Variants in ARHGAP10 observed in about 807,000 individuals in gnomAD.
The protein encoded by ARHGAP10 is rho GTPase-activating protein 10.
Under a neutral mutation model 108.6 loss-of-function variants are expected in ARHGAP10, and 87 were observed. The observed-to-expected ratio is 0.80, with a 90% CI of 0.67 to 0.96. ARHGAP10 has a LOEUF of 0.96. Ranked by LOEUF, ARHGAP10 falls within the 40% of genes least tolerant of loss-of-function variation. ARHGAP10 has a pLI of 0.00. For synonymous variants in ARHGAP10, 347 were observed against 341.1 expected (o/e 1.02, Z -0.19); for missense variants, 939 against 954.5 (o/e 0.98, Z 0.21).
chr4:148,002,625 TC>T lies in ARHGAP10; in HGVS notation c.1717-20636del, dbSNP rs566855704. ...TGGTCTATTCGGGGATTCAGCTTCTTCCTGGTTTAGTCTTGGGAGGGTGTAT... is the reference window on the plus strand; with the variant it reads ...TGGTCTATTCGGGGATTCAGCTTCTTCTGGTTTAGTCTTGGGAGGGTGTAT... On this transcript the variant is annotated intron_variant, in intron 18 of 22. Coordinates refer to ENST00000336498, the MANE Select transcript of ARHGAP10 (RefSeq NM_024605.4). Among the ~76,000 whole-genome samples, 609 of 152,306 alleles carry T rather than the reference TC, an allele frequency of 4.0e-3. 3 individuals are homozygous for T. The highest frequency in any genetic ancestry group is 0.014 in the African/African-American group (581 of 41,550).
At chr4:148,032,736 C>T (rs1728209171) in intron 19 of ARHGAP10, among the ~76,000 whole-genome samples, 2 of 152,154 alleles carry the variant, frequency 1.3e-5, no homozygotes, top group Admixed American at 6.5e-5. Flanking sequence ...GTCCCAAAAC[C>T]TCAAAAGTAG....
intron 11 of ARHGAP10, among the ~76,000 whole-genome samples, chr4:147,907,463 G>T (rs1386738189): frequency 6.6e-6 from 1 of 152,124 alleles, no homozygotes; most frequent in East Asian, 1.9e-4. Context: ...TGCCAGGCAG[G>T]CTTATCTGGA....
At chr4:147,921,360 A>C (rs1737224229) in intron 13 of ARHGAP10, among the ~76,000 whole-genome samples, 1 of 152,212 alleles carries the variant, frequency 6.6e-6, no homozygotes, top group Non-Finnish European at 1.5e-5. Flanking sequence ...CTCAGTCTAC[A>C]TCTGTTGAAT....
chr4:147,747,876 C>T (rs1043275331), intron 1 of ARHGAP10, among the ~76,000 whole-genome samples: 2 of 152,120 alleles, frequency 1.3e-5, no homozygotes, highest in Non-Finnish European at 2.9e-5. Flanking sequence ...CCAGAGAATA[C>T]TGACTCTTTT....
chr4:148,028,016 T>C (rs542005036), intron 19 of ARHGAP10, among the ~76,000 whole-genome samples: 83 of 152,310 alleles, frequency 5.4e-4, no homozygotes, highest in Middle Eastern at 3.4e-3. Context: ...ATACGGTTTT[T>C]CCTTTAAAGG....
At chr4:147,784,843 A>C (rs1730803968) in intron 1 of ARHGAP10, among the ~76,000 whole-genome samples, 1 of 104,516 alleles carries the variant, frequency 9.6e-6, no homozygotes, top group Non-Finnish European at 1.8e-5. Flanking sequence ...TATATTATAA[A>C]ATATATATTA....
intron 10 of ARHGAP10, among the ~76,000 whole-genome samples, chr4:147,890,713 G>A (rs111575300): frequency 7.2e-5 from 11 of 152,246 alleles, no homozygotes; most frequent in African/African-American, 2.6e-4. Context: ...TATAATCCCA[G>A]CTACTCGGGA....
At chr4:148,014,342 T>C (rs1741273908) in intron 18 of ARHGAP10, among the ~76,000 whole-genome samples, 1 of 152,198 alleles carries the variant, frequency 6.6e-6, no homozygotes, top group Non-Finnish European at 1.5e-5. Context: ...GTATGCTGTG[T>C]TTTCCAAATG....
chr4:147,897,154 T>C (rs756948042), intron 10 of ARHGAP10, among the ~76,000 whole-genome samples: 4 of 151,914 alleles, frequency 2.6e-5, no homozygotes, highest in Non-Finnish European at 4.4e-5. Flanking sequence ...ATTCTTTATG[T>C]TTAAACTTTT....
At chr4:148,001,077 G>C (rs1415086911) in intron 18 of ARHGAP10, among the ~76,000 whole-genome samples, 1 of 152,142 alleles carries the variant, frequency 6.6e-6, no homozygotes, top group Non-Finnish European at 1.5e-5. Context: ...AATCCATCTT[G>C]AATTAATTTT....
chr4:147,895,963 T>A (rs571675681), intron 10 of ARHGAP10, among the ~76,000 whole-genome samples: 2 of 152,348 alleles, frequency 1.3e-5, no homozygotes, highest in African/African-American at 2.4e-5. Flanking sequence ...ACAAAATGTT[T>A]CTCAGTGTCT....
chr4:147,866,633 G>T (rs908877316), intron 6 of ARHGAP10, 79 bp from the exon 7 acceptor site: 1 of 996,344 alleles, frequency 1.0e-6, no homozygotes, highest in Non-Finnish European at 1.5e-6. Context: ...ATGGCGGGGG[G>T]AACACTTGGT....
chr4:148,071,571 G>A lies in ARHGAP10; in HGVS notation c.2273-422G>A, dbSNP rs540394904. Among the ~76,000 whole-genome samples the A allele has an allele frequency of 1.2e-4, 18 of 152,260 alleles. 1 individual carries two copies. The highest frequency in any genetic ancestry group is 8.5e-4 in the Admixed American group (13 of 15,294). ...GCAGAGATTGCAGTGAGCCGAGATC[G>A]CGCCACCGCACTCCAGCCTGGGCGA... On this transcript the variant is annotated intron_variant, in intron 22 of 22. Transcript: ENST00000336498.
intron 1 of ARHGAP10, among the ~76,000 whole-genome samples, chr4:147,753,528 T>G (rs914871107): frequency 2.3e-4 from 35 of 151,396 alleles, no homozygotes; most frequent in Non-Finnish European, 4.1e-4. Context: ...GTTTTTTTTT[T>G]TTTTTAGTGG....
At chr4:147,943,458 T>C (rs1380354508) in intron 14 of ARHGAP10, among the ~76,000 whole-genome samples, 1 of 152,234 alleles carries the variant, frequency 6.6e-6, no homozygotes, top group East Asian at 1.9e-4. Flanking sequence ...CTGTGCTTTT[T>C]CAAGTACTTT....
At chr4:147,800,366 C>G (rs1480510958) in intron 1 of ARHGAP10, among the ~76,000 whole-genome samples, 1 of 152,170 alleles carries the variant, frequency 6.6e-6, no homozygotes, top group East Asian at 1.9e-4. Context: ...CCCATGTGAC[C>G]AGAGAGGCTT....
intron 1 of ARHGAP10, chr4:147,809,302 G>A (rs6813714): frequency 0.97 from 147,333 of 152,314 alleles, 71,272 homozygotes; most frequent in East Asian, 1. Context: ...TCTATCTGCA[G>A]CCGTTTGTGG....
intron 13 of ARHGAP10, among the ~76,000 whole-genome samples, chr4:147,921,528 C>T (rs1045367248): frequency 2.0e-5 from 3 of 152,004 alleles, no homozygotes; most frequent in Admixed American, 2.0e-4. Context: ...GGCTCTGGGT[C>T]ATGGTGCCAT....
chr4:147,963,400 G>A (rs996623479), intron 16 of ARHGAP10, among the ~76,000 whole-genome samples: 2 of 152,124 alleles, frequency 1.3e-5, no homozygotes, highest in African/African-American at 4.8e-5. Flanking sequence ...CTACAAAACC[G>A]TTTCTAACCT....
Sources: allele counts gnomAD v4.1 joint callset (sites outside exome capture counted in the v4.1 genomes callset), GRCh38; gene constraint gnomAD v4.1.1; transcripts MANE v1.5; gene names NCBI Gene and HGNC (gene_info 2026-07-23, HGNC 2026-07-21).